The following DYSF variants were observed in gnomAD, a reference collection of about 807,000 sequenced individuals.
The protein encoded by DYSF is dystrophy-associated fer-1-like 1.
In DYSF, 212 loss-of-function variants were observed where a neutral mutation model predicts 274.9. The observed-to-expected ratio is 0.77, with a 90% CI of 0.69 to 0.86. The LOEUF (loss-of-function observed/expected upper bound fraction) is 0.86, where lower values mean the gene tolerates loss of function less well. DYSF is among the 40% of genes least tolerant of loss of function. The pLI is 0.00. For missense variants in DYSF, 2,666 were observed against 2,783.2 expected (o/e 0.96, Z 0.95); for synonymous variants, 1,091 against 1,078.7 (o/e 1.01, Z -0.22).
At chr2:71,605,606 T>C (rs550801161) in intron 36 of DYSF, among the ~76,000 whole-genome samples, 1 of 152,194 alleles carries the variant, frequency 6.6e-6, no homozygotes, top group Admixed American at 6.5e-5. Context: ...GGGGATGCCC[T>C]GGTGGGAGGG....
At chr2:71,659,171 C>T (rs1335266641) in intron 44 of DYSF, 138 bp downstream of exon 44, 8 of 1,228,628 alleles carry the variant, frequency 6.5e-6, no homozygotes, top group African/African-American at 4.5e-5. Context: ...CTGAGAGGTG[C>T]CTGGATGGAG....
chr2:71,469,739 A>C (rs1390769701), intron 1 of DYSF, among the ~76,000 whole-genome samples: 1 of 152,140 alleles, frequency 6.6e-6, no homozygotes, highest in African/African-American at 2.4e-5. Flanking sequence ...AATACTTCTC[A>C]TTCTTTTGTT....
intron 30 of DYSF, among the ~76,000 whole-genome samples, chr2:71,586,369 G>C (rs568616314): frequency 1.3e-5 from 2 of 152,242 alleles, no homozygotes; most frequent in East Asian, 3.9e-4. Context: ...GAGGGAGAAG[G>C]TCAGCACTTG....
chr2:71,484,845 C>G (rs771264887), intron 3 of DYSF, among the ~76,000 whole-genome samples: 1 of 152,232 alleles, frequency 6.6e-6, no homozygotes, highest in Admixed American at 6.5e-5. Flanking sequence ...GAGGGCCACA[C>G]GCAGGCTGTT....
chr2:71,574,314 C>T lies in DYSF; in HGVS notation c.3345C>T (p.Arg1115=). ...TCCGCCGCCGCCGCTGGCGCCGTCGCATGGAGCCACTGGAGAAGACGGGGC... is the reference window on the plus strand; with the variant it reads ...TCCGCCGCCGCCGCTGGCGCCGTCGTATGGAGCCACTGGAGAAGACGGGGC... ...DAFRRRRWRR[R]MEPLEKTGPA... Residue 1115 remains arginine, a synonymous_variant, in exon 30 of 56, where the codon CGC becomes CGT. Coordinates refer to ENST00000410020, the MANE Select transcript of DYSF (RefSeq NM_001130987.2). 1 of 1,614,144 alleles carries T rather than the reference C, an allele frequency of 6.2e-7. No homozygotes were observed. The highest frequency in any genetic ancestry group is 8.5e-7 in the Non-Finnish European group (1 of 1,180,024).
At chr2:71,506,810 C>T (rs1417451490) in intron 4 of DYSF, among the ~76,000 whole-genome samples, 6 of 152,016 alleles carry the variant, frequency 3.9e-5, no homozygotes, top group Non-Finnish European at 7.4e-5. Flanking sequence ...CCCTGGGGCC[C>T]ACCTCCTAGT....
At chr2:71,555,052 T>A (rs1440251373) in intron 21 of DYSF, among the ~76,000 whole-genome samples, 1 of 150,334 alleles carries the variant, frequency 6.7e-6, no homozygotes, top group Non-Finnish European at 1.5e-5. Context: ...TGTCTGTGGG[T>A]GGGGAGGTGA....
At chr2:71,618,373 A>G (rs201333051) in intron 40 of DYSF, among the ~76,000 whole-genome samples, 5 of 2,052 alleles carry the variant, frequency 2.4e-3, no homozygotes, top group Admixed American at 6.3e-3. Flanking sequence ...TAGAGGTGGC[A>G]TGTGTGGTAG....
intron 30 of DYSF, among the ~76,000 whole-genome samples, chr2:71,577,569 C>T (rs1307321627): frequency 6.6e-6 from 1 of 151,748 alleles, no homozygotes; most frequent in Non-Finnish European, 1.5e-5. Flanking sequence ...CACATACCCT[C>T]ACACACACCA....
At chr2:71,586,292 G>A (rs113252924) in intron 30 of DYSF, among the ~76,000 whole-genome samples, 3,445 of 152,246 alleles carry the variant, frequency 0.023, 134 homozygotes, top group African/African-American at 0.078. Flanking sequence ...TGGCTCTGGG[G>A]GGTGTGTCTC....
At chr2:71,612,579 G>A in intron 38 of DYSF, 62 bp from the exon 39 acceptor site, 1 of 1,599,426 alleles carries the variant, frequency 6.3e-7, no homozygotes, top group Non-Finnish European at 8.6e-7. Flanking sequence ...TGCTCTTTGG[G>A]CTTGACCTGG....
At chr2:71,465,078 G>C (rs2081444927), upstream of DYSF, among the ~76,000 whole-genome samples, 1 of 152,184 alleles carries the variant, frequency 6.6e-6, no homozygotes, top group Non-Finnish European at 1.5e-5. Context: ...GAAATGACCA[G>C]TAGCTGAAGG....
chr2:71,470,359 T>C (rs148196993), intron 1 of DYSF, among the ~76,000 whole-genome samples: 373 of 152,282 alleles, frequency 2.4e-3, no homozygotes, highest in African/African-American at 8.5e-3. Context: ...GCTGTTTACA[T>C]ATTACAAATG....
chr2:71,628,582 A>C (rs983259117), intron 41 of DYSF, among the ~76,000 whole-genome samples: 1 of 152,084 alleles, frequency 6.6e-6, no homozygotes, highest in African/African-American at 2.4e-5. Context: ...ATTTTCTGTC[A>C]GCACTCTTTT....
At position 71,674,237 on chromosome 2, in the gene DYSF, C is replaced by T; in HGVS notation, c.5825C>T (p.Pro1942Leu). Reference protein sequence around the residue: ...WRLDKTESKIPARVVFQIWDN... With the variant: ...WRLDKTESKILARVVFQIWDN... ...CTGGACAAGACTGAGAGCAAAATCC[C>T]AGCACGAGTGGTGTTCCAGATCTGG... Residue 1942 changes from proline (P) to leucine (L), a missense_variant, in exon 52 of 56, where the codon CCA becomes CTA. Coordinates refer to ENST00000410020, the MANE Select transcript of DYSF (RefSeq NM_001130987.2). 6.2e-7 allele frequency: 1 copy of T among 1,614,232 alleles called. No homozygotes were observed. The highest frequency in any genetic ancestry group is 8.5e-7 in the Non-Finnish European group (1 of 1,180,038).
intron 3 of DYSF, among the ~76,000 whole-genome samples, chr2:71,501,254 G>T (rs1283043760): frequency 4.6e-5 from 7 of 152,082 alleles, no homozygotes; most frequent in African/African-American, 7.2e-5. Context: ...TTTCAGAAAG[G>T]GTTAGAAAAT....
intron 42 of DYSF, among the ~76,000 whole-genome samples, chr2:71,648,632 T>G (rs1017343360): frequency 1.3e-5 from 2 of 152,292 alleles, no homozygotes; most frequent in African/African-American, 4.8e-5. Context: ...AAGTTCATGG[T>G]GTGTCAGGAA....
In DYSF at chr2:71,515,036, T is replaced by C. The variant is rs28593102; in HGVS notation, c.760-587T>C. Among the ~76,000 whole-genome samples the C allele has an allele frequency of 6.0e-3, 910 of 152,256 alleles. 13 individuals carry two copies. The highest frequency in any genetic ancestry group is 0.021 in the African/African-American group (881 of 41,548). On this transcript the variant is annotated intron_variant, in intron 7 of 55. Coordinates refer to ENST00000410020, the MANE Select transcript of DYSF (RefSeq NM_001130987.2). ...TAAAGTGGAGCCAGTAAATATCTTA[T>C]TTTTTTCCATAGAATTGCCTTAATA...
upstream of DYSF, among the ~76,000 whole-genome samples, chr2:71,462,706 A>G (rs1365496067): frequency 2.0e-5 from 3 of 152,190 alleles, no homozygotes; most frequent in Non-Finnish European, 4.4e-5. Flanking sequence ...GGTCCTCCTG[A>G]TAAGTGTCTA....
Sources: gnomAD v4.1 joint callset for allele counts (sites outside exome capture counted in the v4.1 genomes callset) on GRCh38, gnomAD v4.1.1 for gene constraint, MANE v1.5 for transcripts, NCBI Gene and HGNC (gene_info 2026-07-23, HGNC 2026-07-21) for gene names.